CADM2: variants seen among roughly 807,000 people sequenced by gnomAD.
The protein encoded by CADM2 is cell adhesion molecule 2, also known as immunoglobulin superfamily member 4D.
A neutral mutation model predicts 49.8 loss-of-function variants in CADM2; 12 were observed. The observed-to-expected ratio is 0.24, with a 90% CI of 0.15 to 0.39. The LOEUF is 0.39. Among genes scored for constraint, CADM2 ranks in the 10% least tolerant of loss-of-function variants. The probability of loss-of-function intolerance (pLI) is 1.00; values close to 1 mark genes in which losing one functional copy is unlikely to be tolerated. For missense variants in CADM2, 378 were observed against 492.3 expected, an observed-to-expected ratio of 0.77 and a Z score of 2.20; for synonymous variants, 214 against 175.4, an observed-to-expected ratio of 1.22 and a Z score of -1.74.
chr3:85,441,828 G>T (rs1216265558), intron 1 of CADM2, among the ~76,000 whole-genome samples: 1 of 151,944 alleles, frequency 6.6e-6, no homozygotes, highest in Non-Finnish European at 1.5e-5. Context: ...ACATGGAATT[G>T]ATTTAAAAAG....
intron 1 of CADM2, among the ~76,000 whole-genome samples, chr3:85,428,600 A>G (rs1253579622): frequency 6.8e-6 from 1 of 146,276 alleles, no homozygotes; most frequent in Non-Finnish European, 1.5e-5. Flanking sequence ...AATAATATTT[A>G]TTATATAAAA....
intron 1 of CADM2, among the ~76,000 whole-genome samples, chr3:85,108,396 T>C (rs1382118194): frequency 1.3e-5 from 2 of 152,136 alleles, no homozygotes; most frequent in African/African-American, 4.8e-5. Flanking sequence ...CATGCTAGGG[T>C]GTGGATAAAT....
intron 2 of CADM2, among the ~76,000 whole-genome samples, chr3:85,745,660 G>A (rs1325932683): frequency 6.6e-6 from 1 of 152,124 alleles, no homozygotes; most frequent in Non-Finnish European, 1.5e-5. Context: ...GAGACCAAGA[G>A]TTCAAGACCA....
At chr3:85,194,357 A>T (rs1443939918) in intron 1 of CADM2, among the ~76,000 whole-genome samples, 2 of 152,068 alleles carry the variant, frequency 1.3e-5, no homozygotes, top group African/African-American at 4.8e-5. Flanking sequence ...ACTAATGAGA[A>T]GTTTTATATA....
intron 6 of CADM2, among the ~76,000 whole-genome samples, chr3:85,915,118 T>G (rs945481914): frequency 1.3e-5 from 2 of 152,136 alleles, no homozygotes; most frequent in African/African-American, 4.8e-5. Context: ...AAGGTCATTT[T>G]CACTACTTTG....
intron 8 of CADM2, chr3:86,013,823 G>A (rs776849969): frequency 1.3e-4 from 210 of 1,590,442 alleles, no homozygotes; most frequent in Middle Eastern, 2.3e-4. Context: ...GTCGTGGTCA[G>A]GCTTACATTG....
At chr3:85,919,180 C>G (rs1271956387) in intron 6 of CADM2, among the ~76,000 whole-genome samples, 1 of 151,938 alleles carries the variant, frequency 6.6e-6, no homozygotes, top group Non-Finnish European at 1.5e-5. Flanking sequence ...CTATATAATT[C>G]ATCTCATCAT....
At chr3:85,772,430 T>C (rs1301070826) in intron 2 of CADM2, among the ~76,000 whole-genome samples, 3 of 152,106 alleles carry the variant, frequency 2.0e-5, no homozygotes, top group Admixed American at 6.6e-5. Context: ...TCCATCTAAG[T>C]AGAATTTATG....
intron 1 of CADM2, among the ~76,000 whole-genome samples, chr3:85,046,621 A>G (rs1196179788): frequency 6.6e-6 from 1 of 152,010 alleles, no homozygotes; most frequent in Non-Finnish European, 1.5e-5. Context: ...TTAGGATAAC[A>G]TCTTAAAATT....
chr3:85,383,288 T>C (rs1378505134), intron 1 of CADM2, among the ~76,000 whole-genome samples: 1 of 152,062 alleles, frequency 6.6e-6, no homozygotes, highest in African/African-American at 2.4e-5. Flanking sequence ...TTGTTTGTTT[T>C]TTGTTTGTCT....
intron 1 of CADM2, among the ~76,000 whole-genome samples, chr3:85,278,272 A>G (rs2043409014): frequency 6.6e-6 from 1 of 151,348 alleles, no homozygotes; most frequent in Admixed American, 6.6e-5. Context: ...ATATGATCTC[A>G]CATTATTTCC....
In CADM2 at chr3:86,068,958, C is replaced by A. The variant is rs1739608214; in HGVS notation, c.*2175C>A. On this transcript the variant is annotated 3_prime_UTR_variant, in exon 10 of 10. Transcript: ENST00000383699. ...AACTAGAATAGGTTTATAAACTGTTCATATCTTTCAATGCATAATCTTTAG... is the reference window on the plus strand; with the variant it reads ...AACTAGAATAGGTTTATAAACTGTTAATATCTTTCAATGCATAATCTTTAG... 6.6e-6 allele frequency: 1 copy of A among 151,984 alleles called. No individual in the cohort carries two copies. The highest frequency in any genetic ancestry group is 2.4e-5 in the African/African-American group (1 of 41,410). The allele number at this position is 151,984 out of a possible 1,614,324, so 9.4% of individuals were successfully genotyped here.
In CADM2 at chr3:85,369,994, G is replaced by A. The variant is rs548197147; in HGVS notation, c.62-356528G>A. On this transcript the variant is annotated intron_variant, in intron 1 of 9. Transcript: ENST00000383699. ...ATTAAAAAAAACAGCAAAATCAGAAGGATTAAAAGAGAAGATATGTTTATC... is the reference window on the plus strand; with the variant it reads ...ATTAAAAAAAACAGCAAAATCAGAAAGATTAAAAGAGAAGATATGTTTATC... Among the ~76,000 whole-genome samples, 3 of 151,694 alleles carry A rather than the reference G, an allele frequency of 2.0e-5. No homozygotes were observed. In the South Asian group the frequency reaches 6.2e-4, roughly 32 times the overall value.
At chr3:85,652,384 T>A (rs1433852187) in intron 1 of CADM2, among the ~76,000 whole-genome samples, 1 of 152,154 alleles carries the variant, frequency 6.6e-6, no homozygotes, top group Non-Finnish European at 1.5e-5. Flanking sequence ...TCCGTTTATT[T>A]GGATTAAAAA....
chr3:85,429,063 A>G (rs1421820912), intron 1 of CADM2, among the ~76,000 whole-genome samples: 1 of 152,014 alleles, frequency 6.6e-6, no homozygotes, highest in East Asian at 1.9e-4. Context: ...TATTATATGA[A>G]TTTTGAAAAA....
intron 1 of CADM2, among the ~76,000 whole-genome samples, chr3:85,218,871 C>G (rs962927586): frequency 2.6e-5 from 4 of 152,164 alleles, no homozygotes; most frequent in African/African-American, 9.7e-5. Flanking sequence ...AGATGTATTA[C>G]TAATAACACA....
chr3:85,218,079 CAT>C (rs2041969897), intron 1 of CADM2, among the ~76,000 whole-genome samples: 1 of 151,772 alleles, frequency 6.6e-6, no homozygotes, highest in East Asian at 1.9e-4. Context: ...ATTTGATAAT[CAT>C]AATTATTTTA....
chr3:85,148,915 G>T (rs1232939580), intron 1 of CADM2, among the ~76,000 whole-genome samples: 1 of 152,088 alleles, frequency 6.6e-6, no homozygotes, highest in Non-Finnish European at 1.5e-5. Context: ...TGTCTCAGGG[G>T]TGGTAGAGGC....
At chr3:85,781,276 CTATTT>C (rs1453420341) in intron 2 of CADM2, among the ~76,000 whole-genome samples, 1 of 152,146 alleles carries the variant, frequency 6.6e-6, no homozygotes, top group Non-Finnish European at 1.5e-5. Context: ...AGTCTTACTG[CTATTT>C]TTAAACTTGA....
Sources: gnomAD v4.1 joint callset for allele counts (sites outside exome capture counted in the v4.1 genomes callset) on GRCh38, gnomAD v4.1.1 for gene constraint, MANE v1.5 for transcripts, NCBI Gene and HGNC (gene_info 2026-07-23, HGNC 2026-07-21) for gene names.